Variants in MKI67 observed in about 807,000 individuals in gnomAD.
MKI67 encodes proliferation marker protein Ki-67.
A neutral mutation model predicts 233.5 loss-of-function variants in MKI67; 152 were observed. That is an observed-to-expected ratio of 0.65 (90% CI 0.57 to 0.74). The LOEUF (loss-of-function observed/expected upper bound fraction) is 0.74. MKI67 is among the 30% of genes least tolerant of loss of function. The pLI, the probability that MKI67 is intolerant of heterozygous loss-of-function variation, is 0.00. For synonymous variants in MKI67, 1,465 were observed against 1,418.5 expected (o/e 1.03, Z -0.74); for missense variants, 3,940 against 3,885.2 (o/e 1.01, Z -0.37).
chr10:128,108,590 C>T lies in MKI67; in HGVS notation c.3250G>A (p.Gly1084Arg). The change falls in exon 13 of 15, where the codon GGA becomes AGA. Residue 1084 changes from glycine (G) to arginine (R), a missense_variant. Transcript: ENST00000368654. ...GGCGTTCTTGGCCACTTCTTCATTCCAGTTACACGGGCTGCTGGGTCCAGG... is the reference window on the plus strand; with the variant it reads ...GGCGTTCTTGGCCACTTCTTCATTCTAGTTACACGGGCTGCTGGGTCCAGG... ...QILDPAARVT[G>R]MKKWPRTPKE... The T allele has an allele frequency of 1.9e-6, 3 of 1,614,184 alleles. No individual in the cohort carries two copies. Among genetic ancestry groups the T allele is most frequent in the Non-Finnish European group, 2.5e-6 (3 of 1,180,040 alleles).
Position 128,104,651 on chromosome 10 carries a change from C to T in MKI67, c.7189G>A (p.Glu2397Lys). 6.2e-7 allele frequency: 1 copy of T among 1,613,722 alleles called. No homozygotes were observed. The highest frequency in any genetic ancestry group is 1.1e-5 in the South Asian group (1 of 91,054). ...TCCACAAATGTGTTGATATTTTTCT[C>T]ATCACTTACTGCTGGTTTTGGTGTG... ...MDTPKPAVSD[E>K]KNINTFVETP... The change falls in exon 13 of 15, where the codon GAG becomes AAG. Residue 2397 changes from glutamate (E) to lysine (K), a missense_variant. By Grantham distance (56) the Glu-to-Lys change is moderately conservative. Transcript: ENST00000368654.
intron 4 of MKI67, among the ~76,000 whole-genome samples, chr10:128,121,178 A>G (rs1852927692): frequency 6.6e-6 from 1 of 151,838 alleles, no homozygotes; most frequent in South Asian, 2.1e-4. Context: ...ACCATAGTAC[A>G]GCCTCAAAAT....
Position 128,098,959 on chromosome 10 carries a change from C to T in MKI67, c.*231G>A, listed in dbSNP as rs1852273508. ...TGCAAAGCTGAGGGCAAACCTTGGCCCAGACTCCTTCACAAAGCCCCCGGT... is the reference window on the plus strand; with the variant it reads ...TGCAAAGCTGAGGGCAAACCTTGGCTCAGACTCCTTCACAAAGCCCCCGGT... On this transcript the variant is annotated 3_prime_UTR_variant, in exon 15 of 15. Coordinates refer to ENST00000368654, the MANE Select transcript of MKI67 (RefSeq NM_002417.5). The T allele has an allele frequency of 2.6e-6, 1 of 381,092 alleles. No individual in the cohort carries two copies. The allele number at this position is 381,092 out of a possible 1,614,324, so 23.6% of individuals were successfully genotyped here. A position where few individuals can be genotyped will look rare whatever the true frequency, so the allele number is the denominator to read the frequency against.
rs750486367 is a variant in MKI67 at position 128,108,649 on chromosome 10, C to T, written c.3191G>A (p.Ser1064Asn). 2.5e-6 allele frequency: 4 copies of T among 1,614,130 alleles called. No homozygotes were observed. The highest frequency in any genetic ancestry group is 3.4e-6 in the Non-Finnish European group (4 of 1,180,028). ...TGGAGACTCCTTAAACGTTCTGATG[C>T]TCTTGCCATCTCCTGCTGGCTCTCT... ...THREPAGDGK[S>N]IRTFKESPKQ... is the part of the protein sequence containing the mutation. The change falls in exon 13 of 15, where the codon AGC becomes AAC. Residue 1064 changes from serine to asparagine, a missense_variant. By Grantham distance (46) the Ser-to-Asn change is conservative. Coordinates refer to ENST00000368654, the MANE Select transcript of MKI67 (RefSeq NM_002417.5).
At position 128,106,113 on chromosome 10, in the gene MKI67, TGCTTTAG is replaced by T; in HGVS notation, c.5720_5726del (p.Pro1907GlnfsTer3). The T allele has an allele frequency of 6.2e-7, 1 of 1,614,174 alleles. No individual in the cohort carries two copies. On this transcript the variant is annotated frameshift_variant, in exon 13 of 15. Transcript: ENST00000368654. LOFTEE classifies it high-confidence loss of function. The stretch of plus-strand genomic sequence containing the variant: ...TGATGTCTTTCTCTTCACCTACTGC[TGCTTTAG>T]GCGTGTGCATGGCTTTGCCTGCTGA...
Position 128,113,566 on chromosome 10 carries a change from A to C in MKI67, c.1517T>G (p.Val506Gly). The change falls in exon 8 of 15, where the codon GTG becomes GGG. Residue 506 changes from valine to glycine, a missense_variant. Coordinates refer to ENST00000368654, the MANE Select transcript of MKI67 (RefSeq NM_002417.5). ...SEGIPLKRRR[V>G]SFGGHLRPEL... ...AGGTCTTAGGTGCCCACCAAAGGAC[A>C]CACGCCTTCTTTTCAAAGGTATTCC... is the stretch of plus-strand genomic sequence containing the variant. 1.2e-6 allele frequency: 2 copies of C among 1,614,214 alleles called. No individual in the cohort carries two copies.
rs1369089438 is a variant in MKI67, at chr10:128,098,978, C to G, written c.*212G>C. On this transcript the variant is annotated 3_prime_UTR_variant, in exon 15 of 15. Coordinates refer to ENST00000368654, the MANE Select transcript of MKI67 (RefSeq NM_002417.5). ...CTTGGCCCAGACTCCTTCACAAAGC[C>G]CCCGGTGTTCAACTATTCTCAGTCC... 1 of 420,158 alleles carries G rather than the reference C, an allele frequency of 2.4e-6. No individual in the cohort carries two copies. Among genetic ancestry groups the G allele is most frequent in the African/African-American group, 2.1e-5 (1 of 48,562 alleles). 26.0% of individuals were successfully genotyped at this position (420,158 alleles called of 1,614,324 possible).
In MKI67 at chr10:128,106,402, G is replaced by C. The variant is rs533599300; in HGVS notation, c.5438C>G (p.Pro1813Arg). 34 of 1,613,450 alleles carry C rather than the reference G, an allele frequency of 2.1e-5. No individual in the cohort carries two copies. In the South Asian group the frequency reaches 3.5e-4, roughly 17 times the overall value. The change falls in exon 13 of 15, where the codon CCT becomes CGT. Residue 1813 changes from proline to arginine, a missense_variant. Coordinates refer to ENST00000368654, the MANE Select transcript of MKI67 (RefSeq NM_002417.5). ...VQKLDQPGNL[P>R]GSNRRLQTRK... ...AGTTTGTAGCCGTCTATTGCTGCCA[G>C]GTAAATTTCCTGGCTGGTCCAGTTT...
At position 128,105,658 on chromosome 10, in the gene MKI67, C is replaced by A. The variant is rs543936979; in HGVS notation, c.6182G>T (p.Arg2061Met). 1.2e-6 allele frequency: 2 copies of A among 1,613,612 alleles called. No individual in the cohort carries two copies. The highest frequency in any genetic ancestry group is 1.7e-6 in the Non-Finnish European group (2 of 1,179,948). ...CTCTTCCTTAGGTGTTCTTGGCCACCTCTCCATCCCAGTTCCATAGTTTGC... is the reference window on the plus strand; with the variant it reads ...CTCTTCCTTAGGTGTTCTTGGCCACATCTCCATCCCAGTTCCATAGTTTGC... Reference protein sequence around the residue: ...DPANYGTGMERWPRTPKEEAQ... With the variant: ...DPANYGTGMEMWPRTPKEEAQ... The change falls in exon 13 of 15, where the codon AGG becomes ATG. Residue 2061 changes from arginine to methionine, a missense_variant. By Grantham distance (91) the Arg-to-Met change is moderately conservative (BLOSUM62 -1). Coordinates refer to ENST00000368654, the MANE Select transcript of MKI67 (RefSeq NM_002417.5).
In MKI67 at chr10:128,103,713, G is replaced by T; in HGVS notation, c.8127C>A (p.Pro2709=). Residue 2709 remains proline (P), a synonymous_variant, in exon 13 of 15, where the codon CCC becomes CCA. Coordinates refer to ENST00000368654, the MANE Select transcript of MKI67 (RefSeq NM_002417.5). ...GKATKIPCES[P]PLEVVDTTAS... ...CTGTGGTGTCTACCACTTCTAGTGG[G>T]GGAGATTCGCAGGGTATTTTAGTGG... 1 of 1,613,892 alleles carries T rather than the reference G, an allele frequency of 6.2e-7. No homozygotes were observed. The highest frequency in any genetic ancestry group is 8.5e-7 in the Non-Finnish European group (1 of 1,179,992).
At chr10:128,118,986 A>G (rs1334393511) in intron 5 of MKI67, among the ~76,000 whole-genome samples, 1 of 152,248 alleles carries the variant, frequency 6.6e-6, no homozygotes, top group Non-Finnish European at 1.5e-5. Context: ...GGTTTGCAAA[A>G]AGCTCGCAAC....
At position 128,125,679 on chromosome 10, in the gene MKI67, T is replaced by C; in HGVS notation, c.-12A>G. The C allele has an allele frequency of 6.2e-7, 1 of 1,610,166 alleles. No homozygotes were observed. Among genetic ancestry groups the C allele is most frequent in the East Asian group, 2.2e-5 (1 of 44,838 alleles). ...CTCGTGGGCCACATTTTCTAAACAGTAAGTTGAGTATAATCCGTAGGGGAA... is the reference window on the plus strand; with the variant it reads ...CTCGTGGGCCACATTTTCTAAACAGCAAGTTGAGTATAATCCGTAGGGGAA... On this transcript the variant is annotated 5_prime_UTR_variant, in exon 2 of 15. Coordinates refer to ENST00000368654, the MANE Select transcript of MKI67 (RefSeq NM_002417.5). The surrounding 1 kb of genome is among the most constrained non-coding windows in gnomAD (Gnocchi z 5.3).
At chr10:128,119,389 C>T (rs745428709) in intron 4 of MKI67, 70 bp from the exon 5 acceptor site, 3 of 1,042,822 alleles carry the variant, frequency 2.9e-6, no homozygotes, top group Non-Finnish European at 4.4e-6. Flanking sequence ...TCCATATCCA[C>T]TTAATGTCCA....
At chr10:128,114,002 C>T (rs1413011332) in intron 7 of MKI67, among the ~76,000 whole-genome samples, 1 of 152,164 alleles carries the variant, frequency 6.6e-6, no homozygotes, top group African/African-American at 2.4e-5. Context: ...AAAACTCCTC[C>T]AGGTGGTTCT....
At position 128,104,141 on chromosome 10, in the gene MKI67, A is replaced by G; in HGVS notation, c.7699T>C (p.Ser2567Pro). ...EDLVDFKELFSAPGHTEESMT... is the reference protein window; with the variant it reads ...EDLVDFKELFPAPGHTEESMT... ...GACTCTTCAGTGTGACCTGGTGCTG[A>G]GAAGAGCTCTTTGAAGTCAACCAGG... Residue 2567 changes from serine to proline, a missense_variant, in exon 13 of 15, where the codon TCA becomes CCA. Physicochemically the swap from Ser to Pro is moderately conservative, Grantham distance 74 (BLOSUM62 -1). Coordinates refer to ENST00000368654, the MANE Select transcript of MKI67 (RefSeq NM_002417.5). 1 of 1,613,096 alleles carries G rather than the reference A, an allele frequency of 6.2e-7. No homozygotes were observed. The highest frequency in any genetic ancestry group is 2.2e-5 in the East Asian group (1 of 44,788).
Position 128,107,061 on chromosome 10 carries a change from C to A in MKI67, c.4779G>T (p.Glu1593Asp). Residue 1593 changes from glutamate to aspartate, a missense_variant, in exon 13 of 15, where the codon GAG becomes GAT. Transcript: ENST00000368654. ...CAGTGTGACCTCGTGTCTGGAAGAG[C>A]TCTTTAAAGCCAGCCAGGTCTTCTA... ...QALEDLAGFKELFQTRGHTEE... is the reference protein window; with the variant it reads ...QALEDLAGFKDLFQTRGHTEE... The A allele has an allele frequency of 1.2e-6, 2 of 1,614,154 alleles. No homozygotes were observed. Among genetic ancestry groups the A allele is most frequent in the Non-Finnish European group, 1.7e-6 (2 of 1,180,028 alleles).
chr10:128,100,211 C>T (rs1256207893), intron 14 of MKI67, among the ~76,000 whole-genome samples: 7 of 152,196 alleles, frequency 4.6e-5, no homozygotes, highest in Admixed American at 4.6e-4. Context: ...GTGTGGGCAT[C>T]AGTGCCCTTC....
In MKI67 at chr10:128,107,522, G is replaced by C; in HGVS notation, c.4318C>G (p.Gln1440Glu). ...ACACTTGCTGCTGGGTCCAGTTTCT[G>C]TTTTGCAGTTTCCCTAAACGCGTTG... ...SINAFRETAK[Q>E]KLDPAASVTG... The change falls in exon 13 of 15, where the codon CAG becomes GAG. Residue 1440 changes from glutamine (Q) to glutamate (E), a missense_variant. Gln to Glu is a conservative substitution (Grantham distance 29, BLOSUM62 2). Transcript: ENST00000368654. The C allele has an allele frequency of 6.2e-7, 1 of 1,614,120 alleles. No individual in the cohort carries two copies. Among genetic ancestry groups the C allele is most frequent in the Non-Finnish European group, 8.5e-7 (1 of 1,180,024 alleles).
intron 5 of MKI67, among the ~76,000 whole-genome samples, chr10:128,118,085 GGAA>G (rs1852844447): frequency 6.6e-6 from 1 of 152,156 alleles, no homozygotes; most frequent in Non-Finnish European, 1.5e-5. Flanking sequence ...GCTCCTCTAG[GGAA>G]GAAGGCAGTA....
Sources: gnomAD v4.1 joint callset for allele counts (sites outside exome capture counted in the v4.1 genomes callset) on GRCh38, gnomAD v4.1.1 for gene constraint, Gnocchi (gnomAD v3.1) non-coding constraint, MANE v1.5 for transcripts, NCBI Gene and HGNC (gene_info 2026-07-23, HGNC 2026-07-21) for gene names.